The following PCNX2 variants were observed in gnomAD, a reference collection of about 807,000 sequenced individuals.
PCNX2 encodes pecanex-like protein 2.
Under a neutral mutation model 223.8 loss-of-function variants are expected in PCNX2, and 168 were observed. That is an observed-to-expected ratio of 0.75 (90% CI 0.66 to 0.85). The LOEUF is 0.85. PCNX2 is among the 40% of genes least tolerant of loss of function. The pLI, the probability that PCNX2 is intolerant of heterozygous loss-of-function variation, is 0.00. For synonymous variants in PCNX2, 1,006 were observed against 1,052.6 expected, an observed-to-expected ratio of 0.96 and a Z score of 0.86; for missense variants, 2,507 against 2,675.5, an observed-to-expected ratio of 0.94 and a Z score of 1.39.
chr1:233,193,213 G>A (rs1422824978), intron 15 of PCNX2, among the ~76,000 whole-genome samples: 1 of 151,124 alleles, frequency 6.6e-6, no homozygotes, highest in Non-Finnish European at 1.5e-5. Flanking sequence ...CTCTAGAACT[G>A]TACCAGAACT....
chr1:233,263,721 G>A (rs564508504), intron 1 of PCNX2, among the ~76,000 whole-genome samples: 2 of 152,220 alleles, frequency 1.3e-5, no homozygotes, highest in Admixed American at 6.5e-5. Flanking sequence ...CTCTCAAAGT[G>A]CTGAGATTAA....
At chr1:233,294,498 T>C (rs1307617355) in intron 1 of PCNX2, among the ~76,000 whole-genome samples, 3 of 152,120 alleles carry the variant, frequency 2.0e-5, no homozygotes, top group Non-Finnish European at 4.4e-5. Flanking sequence ...TCATTGACGA[T>C]TTTTGCTGTA....
At chr1:233,032,290 C>T (rs190269690) in intron 25 of PCNX2, among the ~76,000 whole-genome samples, 245 of 152,128 alleles carry the variant, frequency 1.6e-3, no homozygotes, top group Middle Eastern at 0.01. Flanking sequence ...TTAGTAGAGA[C>T]AGGGGTTTCT....
At chr1:233,182,279 A>G (rs1261002109) in intron 15 of PCNX2, among the ~76,000 whole-genome samples, 2 of 152,176 alleles carry the variant, frequency 1.3e-5, no homozygotes, top group Admixed American at 1.3e-4. Context: ...CCGTCTCAAC[A>G]GTCTCCTGAT....
intron 13 of PCNX2, chr1:233,201,363 G>A (rs1681105303): frequency 6.6e-6 from 1 of 152,068 alleles, no homozygotes; most frequent in African/African-American, 2.4e-5. Flanking sequence ...AACCAAAGCA[G>A]ACAAAAAGGC....
chr1:233,015,877 A>T (rs1438461133), intron 27 of PCNX2, among the ~76,000 whole-genome samples: 1 of 151,970 alleles, frequency 6.6e-6, no homozygotes, highest in Non-Finnish European at 1.5e-5. Context: ...TTTCTTAAAA[A>T]AAGTTGTCCA....
At chr1:233,016,249 C>T (rs1670650972) in intron 27 of PCNX2, among the ~76,000 whole-genome samples, 1 of 152,198 alleles carries the variant, frequency 6.6e-6, no homozygotes, top group Non-Finnish European at 1.5e-5. Context: ...ACTGCATCAG[C>T]TGCTGAGGAA....
Position 232,984,155 on chromosome 1 carries a change from C to G in PCNX2, c.*149G>C. 1 of 172,076 alleles carries G rather than the reference C, an allele frequency of 5.8e-6. No homozygotes were observed. The highest frequency in any genetic ancestry group is 9.8e-6 in the Non-Finnish European group (1 of 101,582). The allele number at this position is 172,076 out of a possible 1,614,324, so 10.7% of individuals were successfully genotyped here. A position where few individuals can be genotyped will look rare whatever the true frequency, so the allele number is the denominator to read the frequency against. ...TTTTTTCAAAAACCTGAGATCAGTT[C>G]TGTGTTCTGGAACAGCTCTCCTTTT... On this transcript the variant is annotated 3_prime_UTR_variant, in exon 34 of 34. Coordinates refer to ENST00000258229, the MANE Select transcript of PCNX2 (RefSeq NM_014801.4).
chr1:233,317,130 A>G, the PCNX2 span, among the ~76,000 whole-genome samples: 1 of 152,188 alleles, frequency 6.6e-6, no homozygotes, highest in Non-Finnish European at 1.5e-5. Flanking sequence ...TGGTGACAAC[A>G]GGGCTGGGTT....
intron 17 of PCNX2, among the ~76,000 whole-genome samples, chr1:233,172,940 T>C (rs745510837): frequency 5.3e-5 from 8 of 152,220 alleles, no homozygotes; most frequent in Non-Finnish European, 8.8e-5. Context: ...CTCATTTACA[T>C]TGGTGTCTGG....
chr1:233,228,107 A>G (rs1014678839), intron 9 of PCNX2, among the ~76,000 whole-genome samples: 1 of 152,182 alleles, frequency 6.6e-6, no homozygotes, highest in Non-Finnish European at 1.5e-5. Context: ...TGTTGGTAAT[A>G]GAATGTGTTT....
intron 19 of PCNX2, among the ~76,000 whole-genome samples, chr1:233,151,079 G>A (rs1203425105): frequency 1.3e-5 from 2 of 152,102 alleles, no homozygotes; most frequent in Non-Finnish European, 2.9e-5. Context: ...GCTTACTTTT[G>A]CATCCTCAAC....
intron 1 of PCNX2, among the ~76,000 whole-genome samples, chr1:233,270,895 G>A (rs1313866444): frequency 1.3e-5 from 2 of 152,160 alleles, no homozygotes; most frequent in East Asian, 3.8e-4. Context: ...TATCAGCAGA[G>A]TCATTAAAAT....
At chr1:232,999,452 CTTTTTTTTTTTT>C (rs61543110) in intron 30 of PCNX2, 73 bp from the exon 31 acceptor site, 13 of 1,171,056 alleles carry the variant, frequency 1.1e-5, no homozygotes, top group Admixed American at 3.3e-5. Flanking sequence ...TTTTCTTTTT[CTTTTTTTTTTTT>C]TTTTTTGAGA....
chr1:233,051,583 A>C lies in PCNX2; in HGVS notation c.4351+2685T>G, dbSNP rs138265813. On this transcript the variant is annotated intron_variant, in intron 25 of 33. Coordinates refer to ENST00000258229, the MANE Select transcript of PCNX2 (RefSeq NM_014801.4). ...AGTTGGATGCCATTATCCTAAGCAAATTAATGCAGGAATAGAAAACCAAAT... is the reference window on the plus strand; with the variant it reads ...AGTTGGATGCCATTATCCTAAGCAACTTAATGCAGGAATAGAAAACCAAAT... 3.4e-3 allele frequency among the ~76,000 whole-genome samples: 518 copies of C among 152,342 alleles called. 5 individuals carry two copies. Among genetic ancestry groups the C allele is most frequent in the Non-Finnish European group, 5.2e-3 (351 of 68,030 alleles).
intron 21 of PCNX2, chr1:233,112,709 T>A: frequency 1.8e-6 from 1 of 567,776 alleles, no homozygotes; most frequent in Non-Finnish European, 2.2e-6. Flanking sequence ...GTGTAGATCT[T>A]TGAACAATAT....
rs754188145 is a variant in PCNX2, at chr1:233,090,046, A to G, written c.4076+15T>C. 5 of 1,613,578 alleles carry G rather than the reference A, an allele frequency of 3.1e-6. No individual in the cohort carries two copies. The East Asian group carries it at 1.1e-4, about 36-fold the overall frequency. ...ACTGGAGAAAAGCAATTGAGCACTG[A>G]TTTTAGGATCTTACTTGTAGTTTTT... On this transcript the variant is annotated intron_variant, in intron 23 of 33. Transcript: ENST00000258229.
At position 233,194,948 on chromosome 1, in the gene PCNX2, T is replaced by C. The variant is rs532771941; in HGVS notation, c.3066+3991A>G. 6.1e-3 allele frequency among the ~76,000 whole-genome samples: 885 copies of C among 144,116 alleles called. 9 individuals are homozygous for C. The highest frequency in any genetic ancestry group is 0.011 in the Non-Finnish European group (704 of 67,040). 94.5% of individuals were successfully genotyped at this position (144,116 alleles called of 152,430 possible). A position where few individuals can be genotyped will look rare whatever the true frequency, so the allele number is the denominator to read the frequency against. On this transcript the variant is annotated intron_variant, in intron 15 of 33. Coordinates refer to ENST00000258229, the MANE Select transcript of PCNX2 (RefSeq NM_014801.4). ...AGGAGAATGGCGTGAACCCAGGAGG[T>C]GGAGCTTGCAGTGAGCCAAGATCAC...
At chr1:233,238,314 C>T (rs1014417962) in intron 8 of PCNX2, among the ~76,000 whole-genome samples, 1 of 152,186 alleles carries the variant, frequency 6.6e-6, no homozygotes, top group Non-Finnish European at 1.5e-5. Flanking sequence ...TTCTGACAAT[C>T]TTTTGGATGT....
Sources: gnomAD v4.1 joint callset for allele counts (sites outside exome capture counted in the v4.1 genomes callset) on GRCh38, gnomAD v4.1.1 for gene constraint, MANE v1.5 for transcripts, NCBI Gene and HGNC (gene_info 2026-07-23, HGNC 2026-07-21) for gene names.